WDR89: variants seen among roughly 807,000 people sequenced by gnomAD.
WDR89 encodes WD repeat-containing protein 89.
Under a neutral mutation model 29.1 loss-of-function variants are expected in WDR89, and 17 were observed. The ratio of observed to expected loss-of-function variants is 0.58; its 90% CI spans 0.40 to 0.88. WDR89 has a LOEUF of 0.88. Among genes scored for constraint, WDR89 ranks in the 40% least tolerant of loss-of-function variants. The probability of loss-of-function intolerance (pLI) is 0.00; values close to 1 mark genes in which losing one functional copy is unlikely to be tolerated. For missense variants in WDR89, 396 were observed against 456.3 expected, an observed-to-expected ratio of 0.87 and a Z score of 1.20; for synonymous variants, 138 against 157.8, an observed-to-expected ratio of 0.87 and a Z score of 0.94.
chr14:63,601,218 G>A (rs754964670), intron 2 of WDR89, among the ~76,000 whole-genome samples: 2 of 151,978 alleles, frequency 1.3e-5, no homozygotes, highest in Non-Finnish European at 2.9e-5. Context: ...TAAGTTTGCA[G>A]TAATTTGTTA....
Position 63,599,476 on chromosome 14 carries a change from G to A in WDR89, c.467C>T (p.Ser156Phe). The A allele has an allele frequency of 1.9e-6, 3 of 1,614,154 alleles. No individual in the cohort carries two copies. The highest frequency in any genetic ancestry group is 2.5e-6 in the Non-Finnish European group (3 of 1,180,038). The change falls in exon 3 of 3, where the codon TCT (serine) becomes TTT (phenylalanine). Residue 156 changes from serine (S) to phenylalanine (F), a missense_variant. Ser to Phe is a radical substitution (Grantham distance 155, BLOSUM62 -2). Transcript: ENST00000620954. ...WDARMNSQNL[S>F]TTKDSLGAYS... The stretch of plus-strand genomic sequence containing the variant: ...TGCACCAAGTGAGTCTTTAGTTGTA[G>A]ATAAATTCTGAGAATTCATCCTTGC...
At chr14:63,628,942 A>C (rs1300104146) in intron 1 of WDR89, among the ~76,000 whole-genome samples, 3 of 151,830 alleles carry the variant, frequency 2.0e-5, no homozygotes, top group South Asian at 2.1e-4. Context: ...CTGTCTCAAA[A>C]AAAAAACAAA....
chr14:63,634,643 G>A (rs1453745480), intron 1 of WDR89, among the ~76,000 whole-genome samples: 1 of 152,146 alleles, frequency 6.6e-6, no homozygotes, highest in East Asian at 1.9e-4. Context: ...GCTGAGGCAG[G>A]CAGATCACCT....
intron 2 of WDR89, among the ~76,000 whole-genome samples, chr14:63,600,717 C>CAAAAAAAAAAAA (rs56059698): frequency 1.4e-4 from 5 of 36,208 alleles, no homozygotes; most frequent in African/African-American, 2.9e-4. Context: ...GATATGTAGG[C>CAAAAAAAAAAAA]AAAAAAAAAA....
chr14:63,602,662 C>G (rs1895127072), intron 2 of WDR89, among the ~76,000 whole-genome samples: 1 of 151,222 alleles, frequency 6.6e-6, no homozygotes, highest in Non-Finnish European at 1.5e-5. Context: ...ATCCCAGCTA[C>G]TCGGGAGGCT....
intron 1 of WDR89, chr14:63,641,480 C>G (rs1884133276): frequency 6.6e-6 from 1 of 152,264 alleles, no homozygotes; most frequent in Admixed American, 6.5e-5. Flanking sequence ...CAGGAGGAAA[C>G]AGGTCTTTCC....
intron 1 of WDR89, among the ~76,000 whole-genome samples, chr14:63,626,046 G>T (rs1032726677): frequency 1.3e-5 from 2 of 151,936 alleles, no homozygotes; most frequent in African/African-American, 4.8e-5. Flanking sequence ...TAGAGATGGG[G>T]TTTCACCATG....
intron 1 of WDR89, among the ~76,000 whole-genome samples, chr14:63,625,726 T>G (rs1263376530): frequency 6.6e-6 from 1 of 152,186 alleles, no homozygotes; most frequent in Non-Finnish European, 1.5e-5. Context: ...TTGTAGACCT[T>G]ACAGTAGTTA....
chr14:63,607,265 C>A (rs899808412), intron 2 of WDR89, among the ~76,000 whole-genome samples: 1 of 152,138 alleles, frequency 6.6e-6, no homozygotes, highest in Non-Finnish European at 1.5e-5. Flanking sequence ...CGGGTTCACG[C>A]CATTCTCCTG....
At position 63,599,532 on chromosome 14, in the gene WDR89, A is replaced by C. The variant is rs372263077; in HGVS notation, c.411T>G (p.Val137=). The C allele has an allele frequency of 1.4e-5, 22 of 1,614,010 alleles. No homozygotes were observed. The highest frequency in any genetic ancestry group is 2.7e-5 in the African/African-American group (2 of 74,904). ...DHIICAGTEK[V]DDDALLVFWD... is the part of the protein sequence containing the mutation. ...AAAACACCAACAATGCATCATCATC[A>C]ACTTTTTCTGTACCAGCACAAATAA... Residue 137 remains valine, a synonymous_variant, in exon 3 of 3, where the codon GTT becomes GTG. Transcript: ENST00000620954.
In WDR89 at chr14:63,599,416, A is replaced by C; in HGVS notation, c.527T>G (p.Val176Gly). Residue 176 changes from valine (V) to glycine (G), a missense_variant, in exon 3 of 3, where the codon GTA becomes GGA. Val to Gly is a moderately radical substitution (Grantham distance 109). Coordinates refer to ENST00000620954, the MANE Select transcript of WDR89 (RefSeq NM_080666.4). ...GTTGGGATTGCTGGGATGGAAACGT[A>C]CTTGAGTGACATCATCACTATGTGT... ...SETHSDDVTQ[V>G]RFHPSNPNMV... The C allele has an allele frequency of 6.2e-7, 1 of 1,614,228 alleles. No individual in the cohort carries two copies. Among genetic ancestry groups the C allele is most frequent in the Non-Finnish European group, 8.5e-7 (1 of 1,180,036 alleles).
intron 2 of WDR89, among the ~76,000 whole-genome samples, chr14:63,617,875 G>A (rs1882418943): frequency 6.6e-6 from 1 of 151,974 alleles, no homozygotes; most frequent in African/African-American, 2.4e-5. Flanking sequence ...GACACAAAAA[G>A]GTACTACAGG....
intron 2 of WDR89, among the ~76,000 whole-genome samples, chr14:63,603,537 C>T (rs909075775): frequency 6.6e-6 from 1 of 152,188 alleles, no homozygotes; most frequent in East Asian, 1.9e-4. Context: ...TCTACCTTAG[C>T]AGGCATTCTT....
chr14:63,601,172 C>T (rs188785460), intron 2 of WDR89, among the ~76,000 whole-genome samples: 3 of 152,070 alleles, frequency 2.0e-5, no homozygotes, highest in East Asian at 1.9e-4. Flanking sequence ...CCTCCAGAAC[C>T]GTTAAGATAA....
At position 63,599,153 on chromosome 14, in the gene WDR89, T is replaced by C. The variant is rs1894925545; in HGVS notation, c.790A>G (p.Arg264Gly). The change falls in exon 3 of 3, where the codon AGA (arginine) becomes GGA (glycine). Residue 264 changes from arginine to glycine, a missense_variant. Transcript: ENST00000620954. ...TCTTCTTTCATGTTAACTACTTCTC[T>C]GACATCCTGGATGTTCAAACGTGTA... ...PVTRLNIQDV[R>G]EVVNMKEDAL... is the part of the protein sequence containing the mutation. The C allele has an allele frequency of 2.5e-6, 4 of 1,613,280 alleles. No homozygotes were observed. The highest frequency in any genetic ancestry group is 1.7e-5 in the Admixed American group (1 of 60,010).
At chr14:63,612,298 G>A (rs908110057) in intron 2 of WDR89, among the ~76,000 whole-genome samples, 1 of 151,354 alleles carries the variant, frequency 6.6e-6, no homozygotes, top group African/African-American at 2.4e-5. Context: ...CCCCAAAGCA[G>A]TACTAAGGAA....
chr14:63,609,645 C>G (rs1881822202), intron 2 of WDR89, among the ~76,000 whole-genome samples: 1 of 152,022 alleles, frequency 6.6e-6, no homozygotes, highest in Non-Finnish European at 1.5e-5. Flanking sequence ...CAAAAATTAG[C>G]CAAGGGTGGT....
intron 1 of WDR89, among the ~76,000 whole-genome samples, chr14:63,636,305 G>A (rs1284304303): frequency 6.6e-6 from 1 of 152,180 alleles, no homozygotes; most frequent in East Asian, 1.9e-4. Context: ...GTTCATGGAC[G>A]GGTAGAATCA....
At chr14:63,606,648 T>C (rs1449724483) in intron 2 of WDR89, among the ~76,000 whole-genome samples, 3 of 152,178 alleles carry the variant, frequency 2.0e-5, no homozygotes, top group Admixed American at 6.5e-5. Context: ...CTCCATGATG[T>C]TCCCAGGATG....
Sources: gnomAD v4.1 joint callset for allele counts (sites outside exome capture counted in the v4.1 genomes callset) on GRCh38, gnomAD v4.1.1 for gene constraint, MANE v1.5 for transcripts, NCBI Gene and HGNC (gene_info 2026-07-23, HGNC 2026-07-21) for gene names.